Variants in EXOC6B observed in about 807,000 individuals in gnomAD.
EXOC6B encodes SEC15 homolog B.
A neutral mutation model predicts 113.5 loss-of-function variants in EXOC6B; 54 were observed. The observed-to-expected ratio is 0.48, with a 90% CI of 0.38 to 0.60. The LOEUF (loss-of-function observed/expected upper bound fraction) is 0.60. Ranked by LOEUF, EXOC6B falls within the 20% of genes least tolerant of loss-of-function variation. The pLI is 0.00. For synonymous variants in EXOC6B, 357 were observed against 339.0 expected (o/e 1.05, Z -0.58); for missense variants, 797 against 977.5 (o/e 0.82, Z 2.46).
intron 18 of EXOC6B, among the ~76,000 whole-genome samples, chr2:72,445,606 T>C (rs1453573221): frequency 6.6e-6 from 1 of 152,170 alleles, no homozygotes; most frequent in Non-Finnish European, 1.5e-5. Context: ...CATATGTGGA[T>C]AGTGGCAGGC....
chr2:72,546,190 T>C (rs147107954), intron 8 of EXOC6B, among the ~76,000 whole-genome samples: 3,674 of 152,318 alleles, frequency 0.024, 151 homozygotes, highest in African/African-American at 0.083. Context: ...GGCTCTCATC[T>C]GTAATCCCAG....
intron 18 of EXOC6B, among the ~76,000 whole-genome samples, chr2:72,388,771 T>C (rs1692204651): frequency 6.6e-6 from 1 of 152,198 alleles, no homozygotes; most frequent in Non-Finnish European, 1.5e-5. Context: ...TAATGTCTTC[T>C]TGATTAATTG....
At chr2:72,757,435 T>G (rs929377809) in intron 1 of EXOC6B, among the ~76,000 whole-genome samples, 2 of 152,226 alleles carry the variant, frequency 1.3e-5, no homozygotes, top group Non-Finnish European at 2.9e-5. Context: ...TGGCCTACAG[T>G]ATTTCAGATA....
At chr2:72,504,825 G>T (rs1700512811) in intron 11 of EXOC6B, among the ~76,000 whole-genome samples, 1 of 151,990 alleles carries the variant, frequency 6.6e-6, no homozygotes, top group Non-Finnish European at 1.5e-5. Flanking sequence ...TACCTCATTT[G>T]GTTCTAATTT....
chr2:72,405,062 A>G (rs1435615287), intron 18 of EXOC6B, among the ~76,000 whole-genome samples: 2 of 152,244 alleles, frequency 1.3e-5, no homozygotes, highest in Non-Finnish European at 2.9e-5. Context: ...TGACAAATGC[A>G]CAAGCCTCAG....
chr2:72,252,671 GAAT>G (rs1409042635), intron 20 of EXOC6B, among the ~76,000 whole-genome samples: 2 of 152,144 alleles, frequency 1.3e-5, no homozygotes, highest in Admixed American at 1.3e-4. Context: ...AGGAATGAAT[GAAT>G]AATACACATA....
chr2:72,326,994 G>A (rs145272146), intron 20 of EXOC6B, among the ~76,000 whole-genome samples: 220 of 151,948 alleles, frequency 1.4e-3, no homozygotes, highest in Non-Finnish European at 2.6e-3. Flanking sequence ...TTTTTCATGG[G>A]GAAATATGTC....
chr2:72,813,047 C>T (rs1686012243), intron 1 of EXOC6B, among the ~76,000 whole-genome samples: 1 of 152,170 alleles, frequency 6.6e-6, no homozygotes, highest in African/African-American at 2.4e-5. Context: ...TTATTTCTTA[C>T]AACTGCATAT....
At chr2:72,248,937 A>G (rs1489326762) in intron 20 of EXOC6B, among the ~76,000 whole-genome samples, 1 of 152,184 alleles carries the variant, frequency 6.6e-6, no homozygotes, top group African/African-American at 2.4e-5. Context: ...GAGAAAATAC[A>G]TCAAATTTCT....
chr2:72,684,302 T>C (rs1259659736), intron 6 of EXOC6B, among the ~76,000 whole-genome samples: 1 of 152,064 alleles, frequency 6.6e-6, no homozygotes, highest in Non-Finnish European at 1.5e-5. Context: ...TTGACCACCA[T>C]GAGATAACAC....
At chr2:72,567,159 A>G (rs528921477) in intron 7 of EXOC6B, among the ~76,000 whole-genome samples, 1 of 152,146 alleles carries the variant, frequency 6.6e-6, no homozygotes, top group Admixed American at 6.5e-5. Flanking sequence ...AAAATAATAC[A>G]AAAAGAAACA....
chr2:72,764,364 CTTTTTTTTTTTT>C (rs397869115), intron 1 of EXOC6B, among the ~76,000 whole-genome samples: 1 of 66,770 alleles, frequency 1.5e-5, no homozygotes, highest in South Asian at 9.7e-4. Context: ...TATTTTCTCT[CTTTTTTTTTTTT>C]TTTTTTTTTT....
chr2:72,298,912 TAA>T (rs1686322386), intron 20 of EXOC6B, among the ~76,000 whole-genome samples: 1 of 152,206 alleles, frequency 6.6e-6, no homozygotes, highest in Non-Finnish European at 1.5e-5. Context: ...TGGCTGTCCT[TAA>T]CATTTTTTCC....
chr2:72,700,310 A>G (rs1678224547), intron 6 of EXOC6B, among the ~76,000 whole-genome samples: 1 of 151,574 alleles, frequency 6.6e-6, no homozygotes, highest in Non-Finnish European at 1.5e-5. Context: ...GAAGACTTTG[A>G]GAGAGTAAGG....
chr2:72,516,299 G>A (rs1475153290), intron 8 of EXOC6B, among the ~76,000 whole-genome samples: 1 of 152,104 alleles, frequency 6.6e-6, no homozygotes, highest in Non-Finnish European at 1.5e-5. Context: ...CCAGGCTGGA[G>A]TGCAGTGGCA....
chr2:72,316,332 G>T (rs941612996), intron 20 of EXOC6B, among the ~76,000 whole-genome samples: 1 of 152,148 alleles, frequency 6.6e-6, no homozygotes, highest in Non-Finnish European at 1.5e-5. Context: ...CCATCTAGCT[G>T]CATGGAGCAC....
At chr2:72,491,197 G>C (rs1391685752) in intron 16 of EXOC6B, among the ~76,000 whole-genome samples, 8 of 152,118 alleles carry the variant, frequency 5.3e-5, no homozygotes, top group South Asian at 2.1e-4. Context: ...TGTAAAATGA[G>C]GGGATTATCC....
chr2:72,540,902 A>G (rs1702563136), intron 8 of EXOC6B, among the ~76,000 whole-genome samples: 1 of 152,222 alleles, frequency 6.6e-6, no homozygotes, highest in East Asian at 1.9e-4. Flanking sequence ...TAGGTTTATG[A>G]CAATGTGTTG....
chr2:72,365,254 C>A (rs115777765), intron 19 of EXOC6B, among the ~76,000 whole-genome samples: 2,374 of 148,910 alleles, frequency 0.016, 61 homozygotes, highest in African/African-American at 0.047. Flanking sequence ...TTAAAAAAAA[C>A]CCCTAAAAAT....
Sources: allele counts gnomAD v4.1 joint callset (sites outside exome capture counted in the v4.1 genomes callset), GRCh38; gene constraint gnomAD v4.1.1; transcripts MANE v1.5; gene names NCBI Gene and HGNC (gene_info 2026-07-23, HGNC 2026-07-21).